Variants in PRH1 observed in about 807,000 individuals in gnomAD.
PRH1 encodes salivary acidic proline-rich phosphoprotein 1/2.
Under a neutral mutation model 7.9 loss-of-function variants are expected in PRH1, and 7 were observed. The ratio of observed to expected loss-of-function variants is 0.89; its 90% confidence interval spans 0.50 to 1.67. PRH1 has a LOEUF of 1.67. Among genes scored for constraint, PRH1 ranks in the 40% most tolerant of loss-of-function variants. The pLI is 0.00. For synonymous variants in PRH1, 45 were observed against 80.8 expected (o/e 0.56, Z 2.38); for missense variants, 109 against 223.6 (o/e 0.49, Z 3.27).
At chr12:11,044,778 A>G (rs982516740) in intron 1 of PRH1, among the ~76,000 whole-genome samples, 10 of 152,164 alleles carry the variant, frequency 6.6e-5, no homozygotes, top group Non-Finnish European at 1.2e-4. Flanking sequence ...AACCCCGTTA[A>G]AACAGCTTAT....
At chr12:11,112,901 C>T (rs976688901) in intron 1 of PRH1, among the ~76,000 whole-genome samples, 4 of 152,106 alleles carry the variant, frequency 2.6e-5, no homozygotes, top group Non-Finnish European at 4.4e-5. Flanking sequence ...TTAGAAAAAC[C>T]CATCATCTCA....
chr12:10,986,365 T>C (rs746596118), intron 1 of PRH1: 3 of 1,614,060 alleles, frequency 1.9e-6, no homozygotes, highest in South Asian at 2.2e-5. Context: ...CTCAATTTCA[T>C]CTTCCCAGTC....
chr12:11,033,995 T>G (rs34532250), intron 1 of PRH1, among the ~76,000 whole-genome samples: 63,099 of 145,886 alleles, frequency 0.43, 14,494 homozygotes, highest in Non-Finnish European at 0.5. Flanking sequence ...CATCTCCTGA[T>G]ATAAGCAATA....
rs2084645 is a variant in PRH1 at position 11,088,697 on chromosome 12, A to C, written n.124-41509T>G. Reference sequence around the variant, plus strand: ...ACTCATTAATGAAGTTTCCCAGGCTACTGGTCTCAAGCAGAATCCAGAACA... The same window carrying C: ...ACTCATTAATGAAGTTTCCCAGGCTCCTGGTCTCAAGCAGAATCCAGAACA... On this transcript the variant is annotated intron_variant and non_coding_transcript_variant, in intron 1 of 4. Coordinates refer to the PRH1 transcript ENST00000541977. 1.8e-5 allele frequency among the ~76,000 whole-genome samples: 2 copies of C among 114,220 alleles called. 1 individual carries two copies. Among genetic ancestry groups the C allele is most frequent in the Non-Finnish European group, 4.1e-5 (2 of 48,568 alleles). The allele number at this position is 114,220 out of a possible 152,430, so 74.9% of individuals were successfully genotyped here. A position where few individuals can be genotyped will look rare whatever the true frequency, so the allele number is the denominator to read the frequency against.
chr12:11,110,343 G>C (rs1017642706), intron 1 of PRH1, among the ~76,000 whole-genome samples: 1 of 152,054 alleles, frequency 6.6e-6, no homozygotes, highest in East Asian at 1.9e-4. Flanking sequence ...TCCTTGAGAA[G>C]AGCACCCAAA....
intron 1 of PRH1, among the ~76,000 whole-genome samples, chr12:11,156,202 T>C (rs1358280652): frequency 1.3e-5 from 2 of 152,236 alleles, no homozygotes; most frequent in African/African-American, 4.8e-5. Context: ...CATTGAATTC[T>C]AGCTTCCATG....
intron 1 of PRH1, among the ~76,000 whole-genome samples, chr12:11,112,338 G>A (rs1040683358): frequency 2.0e-5 from 3 of 152,098 alleles, no homozygotes; most frequent in Non-Finnish European, 2.9e-5. Flanking sequence ...AAACCTGATA[G>A]AGACACAGCA....
intron 1 of PRH1, among the ~76,000 whole-genome samples, chr12:11,063,984 T>C (rs959501921): frequency 1.3e-5 from 2 of 152,084 alleles, no homozygotes; most frequent in African/African-American, 2.4e-5. Context: ...AAAATTATAA[T>C]GCACACTTAG....
intron 1 of PRH1, among the ~76,000 whole-genome samples, chr12:10,983,579 A>T (rs573253483): frequency 2.0e-5 from 3 of 152,328 alleles, no homozygotes; most frequent in Admixed American, 6.5e-5. Context: ...AGAACAGCAG[A>T]GATGGTAGTT....
intron 1 of PRH1, among the ~76,000 whole-genome samples, chr12:11,056,461 A>AT (rs1943366027): frequency 6.6e-6 from 1 of 152,180 alleles, no homozygotes; most frequent in Non-Finnish European, 1.5e-5. Flanking sequence ...AGGAAACCAG[A>AT]TTCCCTGCTT....
At chr12:11,033,718 T>C (rs892279697) in intron 1 of PRH1, among the ~76,000 whole-genome samples, 2 of 152,236 alleles carry the variant, frequency 1.3e-5, no homozygotes, top group African/African-American at 2.4e-5. Flanking sequence ...ATCTTAGAGT[T>C]GTATAGGAAT....
At chr12:10,964,121 T>G (rs1057027928) in intron 2 of PRH1, among the ~76,000 whole-genome samples, 1 of 152,274 alleles carries the variant, frequency 6.6e-6, no homozygotes, top group African/African-American at 2.4e-5. Flanking sequence ...TAATATGAAC[T>G]GTATTGTGAA....
At chr12:11,162,980 A>T (rs1947461114) in intron 1 of PRH1, among the ~76,000 whole-genome samples, 1 of 152,216 alleles carries the variant, frequency 6.6e-6, no homozygotes, top group Non-Finnish European at 1.5e-5. Context: ...AGTACTATGA[A>T]GTGATACCTA....
rs768450852 is a variant in PRH1 at position 10,882,611 on chromosome 12, C to T, written c.188G>A (p.Gly63Glu). ...CTGCTGAGGGCCATCATCCTGGTTC[C>T]CATCACCAGCAGAGGGTTGAGATTG... ...GQQSQPSAGDGNQDDGPQQGP... is the reference protein window; with the variant it reads ...GQQSQPSAGDENQDDGPQQGP... The change falls in exon 3 of 4, where the codon GGG becomes GAG. Residue 63 changes from glycine to glutamate, a missense_variant. Gly to Glu is a moderately conservative substitution (Grantham distance 98). Around this residue, in one of 3 missense-constraint regions of PRH1, gnomAD observed 60 missense variants for 76.5 expected, o/e 0.78. Transcript: ENST00000543626. 3.5e-5 allele frequency: 56 copies of T among 1,610,764 alleles called. No homozygotes were observed. The Admixed American group carries it at 9.4e-4, about 27-fold the overall frequency.
intron 2 of PRH1, chr12:10,908,987 G>T (rs1158768741): frequency 1.2e-6 from 2 of 1,613,580 alleles, no homozygotes; most frequent in Admixed American, 3.3e-5. Context: ...AATAAAAGAT[G>T]CTGAAGATTG....
chr12:11,168,897 A>G (rs1351946856), intron 1 of PRH1, among the ~76,000 whole-genome samples: 1 of 152,250 alleles, frequency 6.6e-6, no homozygotes, highest in Admixed American at 6.5e-5. Context: ...AAAATTAGCT[A>G]TTGTGAACCA....
At chr12:11,057,908 T>A (rs74445838) in intron 1 of PRH1, among the ~76,000 whole-genome samples, 983 of 120,416 alleles carry the variant, frequency 8.2e-3, no homozygotes, top group Admixed American at 0.011. Flanking sequence ...TTCTGTTCTC[T>A]GTTTAATTTA....
upstream of PRH1, chr12:11,171,610 T>A (rs1401334094): frequency 1.7e-6 from 2 of 1,193,520 alleles, no homozygotes; most frequent in African/African-American, 3.1e-5. Context: ...GATGGCCGAC[T>A]CCCAGGGTCC....
chr12:10,937,771 AATTCAACAAACGAAG>A (rs1408453227), intron 2 of PRH1: 1 of 152,378 alleles, frequency 6.6e-6, no homozygotes, highest in East Asian at 1.9e-4. Context: ...GCTGGCTTCT[AATTCAACAAACGAAG>A]CAAATTACTT....
Sources: gnomAD v4.1 joint callset for allele counts (sites outside exome capture counted in the v4.1 genomes callset) on GRCh38, gnomAD v4.1.1 for gene constraint, gnomAD v4.1.1 regional missense constraint, MANE v1.5 for transcripts, NCBI Gene and HGNC (gene_info 2026-07-23, HGNC 2026-07-21) for gene names.